CCDC150: variants seen among roughly 807,000 people sequenced by gnomAD.
CCDC150 encodes coiled-coil domain containing 150, also known as coiled-coil domain-containing protein 150.
In CCDC150, 151 loss-of-function variants were observed where a neutral mutation model predicts 156.5. The ratio of observed to expected loss-of-function variants is 0.97; its 90% CI spans 0.85 to 1.10. The LOEUF (loss-of-function observed/expected upper bound fraction) is 1.10, where lower values mean the gene tolerates loss of function less well. Among genes scored for constraint, CCDC150 ranks in the 50% least tolerant of loss-of-function variants. The pLI is 0.00. For synonymous variants in CCDC150, 452 were observed against 429.4 expected (o/e 1.05, Z -0.65); for missense variants, 1,312 against 1,268.1 (o/e 1.03, Z -0.53).
intron 5 of CCDC150, among the ~76,000 whole-genome samples, chr2:196,664,335 G>A (rs1693720170): frequency 6.6e-6 from 1 of 152,150 alleles, no homozygotes; most frequent in Non-Finnish European, 1.5e-5. Flanking sequence ...GCAAAAAATC[G>A]ATGTTCCCAT....
intron 8 of CCDC150, among the ~76,000 whole-genome samples, chr2:196,671,406 A>G (rs1174005768): frequency 7.9e-6 from 1 of 126,642 alleles, no homozygotes; most frequent in Non-Finnish European, 1.7e-5. Context: ...TTGATAGCAC[A>G]TTTTTCTTTC....
In CCDC150 at chr2:196,713,651, G is replaced by T. The variant is rs1472729775; in HGVS notation, c.1866+912G>T. 7 of 1,417,918 alleles carry T rather than the reference G, an allele frequency of 4.9e-6. No individual in the cohort carries two copies. In the South Asian group the frequency reaches 8.5e-5, roughly 17 times the overall value. 87.8% of individuals were successfully genotyped at this position (1,417,918 alleles called of 1,614,324 possible). On this transcript the variant is annotated intron_variant, in intron 17 of 27. Transcript: ENST00000389175. ...TCTAGCCTCAAGACCTTTAATAAATGATGAATCACCAAATTTTCTTAAACA... is the reference window on the plus strand; with the variant it reads ...TCTAGCCTCAAGACCTTTAATAAATTATGAATCACCAAATTTTCTTAAACA...
At chr2:196,689,267 T>G (rs1474869268) in intron 13 of CCDC150, among the ~76,000 whole-genome samples, 1 of 152,198 alleles carries the variant, frequency 6.6e-6, no homozygotes, top group South Asian at 2.1e-4. Context: ...AGTAGTTTTT[T>G]CCAATTCTGT....
In CCDC150 at chr2:196,676,156, T is replaced by C; in HGVS notation, c.1151T>C (p.Met384Thr). ...TTTAACACTCAGGTAGAGCAGAAAATGATGACGCAGACATTTCAAGAACAA... is the reference window on the plus strand; with the variant it reads ...TTTAACACTCAGGTAGAGCAGAAAACGATGACGCAGACATTTCAAGAACAA... ...HQAILQVEQK[M>T]MTQTFQEQNL... The change falls in exon 11 of 28, where the codon ATG becomes ACG. Residue 384 changes from methionine (M) to threonine (T), a missense_variant. Coordinates refer to ENST00000389175, the MANE Select transcript of CCDC150 (RefSeq NM_001080539.2). 6.2e-7 allele frequency: 1 copy of C among 1,613,530 alleles called. No individual in the cohort carries two copies. Among genetic ancestry groups the C allele is most frequent in the Non-Finnish European group, 8.5e-7 (1 of 1,179,618 alleles).
At chr2:196,703,377 C>G (rs1341940369) in intron 15 of CCDC150, among the ~76,000 whole-genome samples, 1 of 152,034 alleles carries the variant, frequency 6.6e-6, no homozygotes, top group African/African-American at 2.4e-5. Context: ...TACTAGAACA[C>G]CTATTAATAT....
At chr2:196,665,187 AAC>A (rs1218355506) in intron 5 of CCDC150, among the ~76,000 whole-genome samples, 1 of 152,198 alleles carries the variant, frequency 6.6e-6, no homozygotes, top group African/African-American at 2.4e-5. Flanking sequence ...TTTACACTGC[AAC>A]ACACATACAT....
At chr2:196,676,430 T>G in intron 11 of CCDC150, 124 bp from the exon 12 acceptor site, 3 of 1,299,158 alleles carry the variant, frequency 2.3e-6, no homozygotes, top group Non-Finnish European at 3.2e-6. Flanking sequence ...GAAACTAGTT[T>G]TGTTAGAACA....
intron 17 of CCDC150, chr2:196,713,463 G>A: frequency 3.2e-6 from 5 of 1,550,760 alleles, no homozygotes; most frequent in Non-Finnish European, 4.4e-6. Context: ...TCATCAGTTG[G>A]TTTGCCTAGT....
In CCDC150 at chr2:196,646,416, A is replaced by G. The variant is rs1022973901; in HGVS notation, c.88A>G (p.Thr30Ala). The change falls in exon 2 of 28, where the codon ACA (threonine) becomes GCA (alanine). Residue 30 changes from threonine (T) to alanine (A), a missense_variant. Physicochemically the swap from Thr to Ala is moderately conservative, Grantham distance 58. Coordinates refer to ENST00000389175, the MANE Select transcript of CCDC150 (RefSeq NM_001080539.2). ...HINATASETFTVLQQRMRIVE... is the reference protein window; with the variant it reads ...HINATASETFAVLQQRMRIVE... ...CAACGCTACAGCTTCTGAAACATTC[A>G]CAGTACTTCAGCAAAGGATGAGAAT... 98 of 1,613,636 alleles carry G rather than the reference A, an allele frequency of 6.1e-5. No individual in the cohort carries two copies. In the Admixed American group the frequency reaches 1.6e-3, roughly 27 times the overall value.
intron 15 of CCDC150, among the ~76,000 whole-genome samples, chr2:196,706,565 G>A (rs1283759156): frequency 6.6e-6 from 1 of 152,230 alleles, no homozygotes; most frequent in East Asian, 1.9e-4. Flanking sequence ...TAGGAGTGGT[G>A]AGAGAGGGCA....
At chr2:196,681,720 C>T (rs1255572309) in intron 13 of CCDC150, among the ~76,000 whole-genome samples, 2 of 152,206 alleles carry the variant, frequency 1.3e-5, no homozygotes, top group South Asian at 2.1e-4. Context: ...TAACTAATGA[C>T]GTTAAGCAGC....
intron 15 of CCDC150, among the ~76,000 whole-genome samples, chr2:196,704,998 T>C (rs1439307935): frequency 6.6e-6 from 1 of 152,224 alleles, no homozygotes; most frequent in Non-Finnish European, 1.5e-5. Flanking sequence ...TTGTGAATAG[T>C]GCCGCAATAA....
chr2:196,714,162 C>T (rs1697330326), intron 17 of CCDC150, among the ~76,000 whole-genome samples: 1 of 152,112 alleles, frequency 6.6e-6, no homozygotes, highest in South Asian at 2.1e-4. Flanking sequence ...GTTAGTTGTC[C>T]AGGTCCTTGG....
intron 21 of CCDC150, among the ~76,000 whole-genome samples, chr2:196,725,381 C>G (rs1698154956): frequency 6.6e-6 from 1 of 152,154 alleles, no homozygotes; most frequent in Non-Finnish European, 1.5e-5. Flanking sequence ...CACACACACA[C>G]ATTTTGCATA....
At position 196,672,450 on chromosome 2, in the gene CCDC150, G is replaced by A; in HGVS notation, c.1029+13G>A. ...AGAAAAAGCACAAGTAAATGCTCATGATTTTGTTAGTTTTTAGATGTTATT... is the reference window on the plus strand; with the variant it reads ...AGAAAAAGCACAAGTAAATGCTCATAATTTTGTTAGTTTTTAGATGTTATT... On this transcript the variant is annotated intron_variant, in intron 9 of 27. Transcript: ENST00000389175. 1 of 1,372,952 alleles carries A rather than the reference G, an allele frequency of 7.3e-7. No homozygotes were observed. Among genetic ancestry groups the A allele is most frequent in the Non-Finnish European group, 9.6e-7 (1 of 1,039,050 alleles). 85.0% of individuals were successfully genotyped at this position (1,372,952 alleles called of 1,614,324 possible).
chr2:196,729,442 T>C (rs1441058121), intron 23 of CCDC150, 55 bp downstream of exon 23: 1 of 1,532,828 alleles, frequency 6.5e-7, no homozygotes. Flanking sequence ...ATGTAGTCAG[T>C]CAATGGTGTC....
intron 15 of CCDC150, among the ~76,000 whole-genome samples, chr2:196,701,418 A>G (rs575650291): frequency 3.9e-4 from 60 of 152,342 alleles, no homozygotes; most frequent in African/African-American, 1.4e-3. Context: ...AAACTTTATT[A>G]TAATCATTTT....
chr2:196,703,736 TGGGAA>T (rs1696398682), intron 15 of CCDC150, among the ~76,000 whole-genome samples: 1 of 152,162 alleles, frequency 6.6e-6, no homozygotes, highest in South Asian at 2.1e-4. Flanking sequence ...AAATTTTGAC[TGGGAA>T]TGAAATATAT....
intron 20 of CCDC150, 75 bp downstream of exon 20, chr2:196,720,743 T>C: frequency 7.7e-7 from 1 of 1,291,752 alleles, no homozygotes; most frequent in Non-Finnish European, 1.1e-6. Flanking sequence ...TTTGGGAAAA[T>C]GAAGTGAAAC....
Sources: gnomAD v4.1 joint callset for allele counts (sites outside exome capture counted in the v4.1 genomes callset) on GRCh38, gnomAD v4.1.1 for gene constraint, MANE v1.5 for transcripts, NCBI Gene and HGNC (gene_info 2026-07-23, HGNC 2026-07-21) for gene names.